The following DOK5 variants were observed in gnomAD, a reference collection of about 807,000 sequenced individuals.
DOK5 encodes the protein docking protein 5.
DOK5 carries 27 observed loss-of-function variants against 43.3 expected under a neutral mutation model. The ratio of observed to expected loss-of-function variants is 0.62; its 90% CI spans 0.46 to 0.86. The LOEUF (loss-of-function observed/expected upper bound fraction) is 0.86. Ranked by LOEUF, DOK5 falls within the 40% of genes least tolerant of loss-of-function variation. The pLI is 0.00. For synonymous variants in DOK5, 146 were observed against 140.1 expected (o/e 1.04, Z -0.30); for missense variants, 373 against 392.9 (o/e 0.95, Z 0.43).
intron 7 of DOK5, among the ~76,000 whole-genome samples, chr20:54,648,270 T>C (rs953307704): frequency 1.3e-5 from 2 of 152,184 alleles, no homozygotes; most frequent in Non-Finnish European, 2.9e-5. Flanking sequence ...CAGACATACC[T>C]GGGACTCCTA....
intron 2 of DOK5, among the ~76,000 whole-genome samples, chr20:54,567,439 A>G (rs778902098): frequency 1.3e-5 from 2 of 152,142 alleles, no homozygotes; most frequent in Non-Finnish European, 2.9e-5. Flanking sequence ...GAAAAAAATT[A>G]TTCTTTCCTT....
chr20:54,641,500 TA>T (rs1321488507), intron 6 of DOK5, among the ~76,000 whole-genome samples: 6 of 148,458 alleles, frequency 4.0e-5, no homozygotes, highest in South Asian at 2.2e-4. Flanking sequence ...TGGAAATTTT[TA>T]AAAAAAAAAT....
chr20:54,556,823 G>A (rs1371640575), intron 2 of DOK5, among the ~76,000 whole-genome samples: 1 of 152,054 alleles, frequency 6.6e-6, no homozygotes, highest in Non-Finnish European at 1.5e-5. Context: ...GTCCTTTTTT[G>A]TCTTGGTAGA....
At chr20:54,625,926 G>A (rs1987116659) in intron 6 of DOK5, among the ~76,000 whole-genome samples, 1 of 152,160 alleles carries the variant, frequency 6.6e-6, no homozygotes, top group South Asian at 2.1e-4. Flanking sequence ...GAATCATGGT[G>A]GGCACGACAT....
At chr20:54,633,770 G>A (rs1330016385) in intron 6 of DOK5, among the ~76,000 whole-genome samples, 1 of 152,194 alleles carries the variant, frequency 6.6e-6, no homozygotes, top group African/African-American at 2.4e-5. Context: ...GATGAGGATG[G>A]AATTAGGTAT....
At chr20:54,617,914 G>A (rs1469138943) in intron 6 of DOK5, among the ~76,000 whole-genome samples, 4 of 152,098 alleles carry the variant, frequency 2.6e-5, no homozygotes, top group Non-Finnish European at 5.9e-5. Flanking sequence ...CTACAATATA[G>A]CAGATACTTT....
intron 2 of DOK5, among the ~76,000 whole-genome samples, chr20:54,571,562 C>A (rs1985281741): frequency 1.3e-5 from 2 of 152,052 alleles, no homozygotes; most frequent in Admixed American, 6.6e-5. Context: ...CTTGACCAAC[C>A]AGATGCCAGT....
At position 54,523,675 on chromosome 20, in the gene DOK5, G is replaced by A. The variant is rs181010541; in HGVS notation, c.67-31258G>A. ...GGCTGGTCTGCAATGGCGCAATCTC[G>A]GCTCACTGCAACCTCCATCTCCTGG... On this transcript the variant is annotated intron_variant, in intron 1 of 7. Coordinates refer to ENST00000262593, the MANE Select transcript of DOK5 (RefSeq NM_018431.5). 2.3e-4 allele frequency among the ~76,000 whole-genome samples: 35 copies of A among 151,984 alleles called. No individual in the cohort carries two copies. The East Asian group carries it at 6.2e-3, about 27-fold the overall frequency.
intron 1 of DOK5, among the ~76,000 whole-genome samples, chr20:54,477,390 T>C (rs932139807): frequency 1.8e-4 from 27 of 152,234 alleles, no homozygotes; most frequent in African/African-American, 6.3e-4. Flanking sequence ...GTTTTAGCGA[T>C]TATGTCCTGT....
chr20:54,489,435 T>C (rs973017127), intron 1 of DOK5, among the ~76,000 whole-genome samples: 1 of 152,176 alleles, frequency 6.6e-6, no homozygotes, highest in Non-Finnish European at 1.5e-5. Context: ...TGTGTCTGTA[T>C]GTGCGTTTGC....
At chr20:54,510,190 A>G (rs1982968275) in intron 1 of DOK5, among the ~76,000 whole-genome samples, 1 of 152,178 alleles carries the variant, frequency 6.6e-6, no homozygotes. Flanking sequence ...GCTATAATAA[A>G]CAAAGCTATT....
chr20:54,607,808 G>A (rs917600153), intron 5 of DOK5, among the ~76,000 whole-genome samples: 11 of 151,994 alleles, frequency 7.2e-5, no homozygotes, highest in African/African-American at 1.9e-4. Context: ...GCTTGAACCC[G>A]GGAGGTGGAG....
At chr20:54,513,591 T>C (rs1049699337) in intron 1 of DOK5, among the ~76,000 whole-genome samples, 3 of 151,790 alleles carry the variant, frequency 2.0e-5, no homozygotes, top group African/African-American at 7.3e-5. Context: ...AATTCAGAAG[T>C]GTGTCACTAA....
chr20:54,499,733 C>T (rs773891913), intron 1 of DOK5, among the ~76,000 whole-genome samples: 1 of 152,194 alleles, frequency 6.6e-6, no homozygotes, highest in Non-Finnish European at 1.5e-5. Flanking sequence ...TGGTTAATCA[C>T]ATTACTTGAC....
rs139461206 is a variant in DOK5 at position 54,545,853 on chromosome 20, G to A, written c.67-9080G>A. Among the ~76,000 whole-genome samples the A allele has an allele frequency of 4.6e-3, 694 of 152,252 alleles. 7 individuals carry two copies. The highest frequency in any genetic ancestry group is 0.015 in the African/African-American group (643 of 41,540). ...AGTGAGTGAACTTAAAATCACAAACGCAAATGTCACACTGAAATAGATTAT... is the reference window on the plus strand; with the variant it reads ...AGTGAGTGAACTTAAAATCACAAACACAAATGTCACACTGAAATAGATTAT... On this transcript the variant is annotated intron_variant, in intron 1 of 7. Coordinates refer to ENST00000262593, the MANE Select transcript of DOK5 (RefSeq NM_018431.5).
intron 6 of DOK5, among the ~76,000 whole-genome samples, chr20:54,623,069 T>C (rs911134355): frequency 8.6e-5 from 13 of 151,912 alleles, no homozygotes; most frequent in African/African-American, 3.1e-4. Flanking sequence ...ACATAAACAG[T>C]ATGTGAGCAA....
intron 2 of DOK5, among the ~76,000 whole-genome samples, chr20:54,562,351 G>A (rs1245769102): frequency 6.6e-6 from 1 of 152,146 alleles, no homozygotes; most frequent in African/African-American, 2.4e-5. Flanking sequence ...CTGAGCACAT[G>A]CATGGTTTTG....
chr20:54,496,104 G>C (rs1982380019), intron 1 of DOK5, among the ~76,000 whole-genome samples: 1 of 152,218 alleles, frequency 6.6e-6, no homozygotes. Flanking sequence ...TTCAGACACA[G>C]ATGAAGTTGA....
intron 6 of DOK5, among the ~76,000 whole-genome samples, chr20:54,626,417 C>G (rs1011935662): frequency 3.3e-5 from 5 of 152,166 alleles, no homozygotes; most frequent in African/African-American, 1.2e-4. Flanking sequence ...CACAACTATC[C>G]TTGGAGATAG....
Sources: allele counts gnomAD v4.1 joint callset (sites outside exome capture counted in the v4.1 genomes callset), GRCh38; gene constraint gnomAD v4.1.1; transcripts MANE v1.5; gene names NCBI Gene and HGNC (gene_info 2026-07-23, HGNC 2026-07-21).